The following MAML2 variants were observed in gnomAD, a reference collection of about 807,000 sequenced individuals.
MAML2 encodes the protein mastermind like transcriptional coactivator 2.
Under a neutral mutation model 96.1 loss-of-function variants are expected in MAML2, and 22 were observed. The observed-to-expected ratio is 0.23, with a 90% confidence interval of 0.16 to 0.33. The LOEUF (loss-of-function observed/expected upper bound fraction) is 0.33, where lower values mean the gene tolerates loss of function less well. Ranked by LOEUF, MAML2 falls within the 10% of genes least tolerant of loss-of-function variation. MAML2 has a pLI of 1.00. For missense variants in MAML2, 1,367 were observed against 1,392.4 expected (o/e 0.98, Z 0.29); for synonymous variants, 561 against 521.3 (o/e 1.08, Z -1.04).
At chr11:96,333,554 T>C (rs577351696) in intron 1 of MAML2, among the ~76,000 whole-genome samples, 1 of 152,344 alleles carries the variant, frequency 6.6e-6, no homozygotes, top group South Asian at 2.1e-4. Flanking sequence ...ATCTTCCTCA[T>C]GTTTTTTATG....
intron 1 of MAML2, among the ~76,000 whole-genome samples, chr11:96,124,561 A>G (rs1860406370): frequency 6.6e-6 from 1 of 152,202 alleles, no homozygotes; most frequent in African/African-American, 2.4e-5. Flanking sequence ...TTAAACATTT[A>G]TTGAGTTAAT....
intron 1 of MAML2, among the ~76,000 whole-genome samples, chr11:96,229,735 C>T (rs1422445346): frequency 6.6e-6 from 1 of 151,918 alleles, no homozygotes; most frequent in Non-Finnish European, 1.5e-5. Flanking sequence ...ACTGGCAATA[C>T]CATAAATTTG....
At chr11:96,217,882 T>C (rs1377658139) in intron 1 of MAML2, among the ~76,000 whole-genome samples, 1 of 152,228 alleles carries the variant, frequency 6.6e-6, no homozygotes, top group Non-Finnish European at 1.5e-5. Flanking sequence ...ATTACGACAA[T>C]TTTAGTGATT....
intron 1 of MAML2, among the ~76,000 whole-genome samples, chr11:96,339,815 C>T (rs1863968176): frequency 6.6e-6 from 1 of 152,182 alleles, no homozygotes; most frequent in African/African-American, 2.4e-5. Context: ...CTCCTTTACC[C>T]TAACATCTCT....
rs77374033 is a variant in MAML2, at chr11:95,982,680, C to T, written c.2456-2717G>A. Among the ~76,000 whole-genome samples, 18 of 152,210 alleles carry T rather than the reference C, an allele frequency of 1.2e-4. No individual in the cohort carries two copies. The East Asian group carries it at 2.7e-3, about 23-fold the overall frequency. ...GAATTGTGTATAGTATTCCAAAGGG[C>T]GCCCAGCTTTTTCAAAGCTCGCTCA... On this transcript the variant is annotated intron_variant, in intron 4 of 4. Coordinates refer to ENST00000524717, the MANE Select transcript of MAML2 (RefSeq NM_032427.4).
intron 2 of MAML2, among the ~76,000 whole-genome samples, chr11:95,999,465 T>C (rs1353693147): frequency 6.8e-6 from 1 of 147,872 alleles, no homozygotes; most frequent in Non-Finnish European, 1.5e-5. Context: ...ATAGTAAGAC[T>C]CGTTGGATTC....
intron 1 of MAML2, among the ~76,000 whole-genome samples, chr11:96,192,142 GC>G (rs1206990385): frequency 6.6e-6 from 1 of 152,232 alleles, no homozygotes; most frequent in Non-Finnish European, 1.5e-5. Flanking sequence ...GTGAGGGTGA[GC>G]TTTCTGCAAA....
chr11:96,210,508 G>T (rs188913690), intron 1 of MAML2, among the ~76,000 whole-genome samples: 3 of 152,134 alleles, frequency 2.0e-5, no homozygotes, highest in Non-Finnish European at 4.4e-5. Flanking sequence ...ATACCTAAAA[G>T]GTATTCATTC....
chr11:96,122,201 C>T (rs559047752), intron 1 of MAML2, among the ~76,000 whole-genome samples: 1 of 152,138 alleles, frequency 6.6e-6, no homozygotes, highest in East Asian at 1.9e-4. Context: ...TCACAATTCT[C>T]CAGCCATGTA....
intron 1 of MAML2, among the ~76,000 whole-genome samples, chr11:96,131,441 A>T (rs1362245806): frequency 6.6e-6 from 1 of 152,262 alleles, no homozygotes; most frequent in African/African-American, 2.4e-5. Flanking sequence ...TGACATATAT[A>T]GAACATATAC....
chr11:96,182,037 A>T (rs1422886416), intron 1 of MAML2, among the ~76,000 whole-genome samples: 1 of 152,204 alleles, frequency 6.6e-6, no homozygotes, highest in African/African-American at 2.4e-5. Context: ...ACTAATTTTC[A>T]AAAGACGTGG....
rs1861286504 is a variant in MAML2, at chr11:96,171,074, GT to G, written c.514-77558del. Among the ~76,000 whole-genome samples, 3 of 151,742 alleles carry G rather than the reference GT, an allele frequency of 2.0e-5. No homozygotes were observed. In the South Asian group the frequency reaches 6.2e-4, roughly 32 times the overall value. ...GAGGTGCAGACTAGTTGAGCCCTGGGTTCCCACTTGTCTTTCCTCTCTCTTA... is the reference window on the plus strand; with the variant it reads ...GAGGTGCAGACTAGTTGAGCCCTGGGTCCCACTTGTCTTTCCTCTCTCTTA... On this transcript the variant is annotated intron_variant, in intron 1 of 4. Transcript: ENST00000524717.
At chr11:96,024,664 A>T (rs1858487183) in intron 2 of MAML2, among the ~76,000 whole-genome samples, 1 of 152,148 alleles carries the variant, frequency 6.6e-6, no homozygotes, top group South Asian at 2.1e-4. Context: ...TATCTGTGGC[A>T]GTTATGTCTC....
At chr11:96,188,101 A>G (rs557648264) in intron 1 of MAML2, among the ~76,000 whole-genome samples, 1 of 152,362 alleles carries the variant, frequency 6.6e-6, no homozygotes, top group Non-Finnish European at 1.5e-5. Context: ...CTTTGCTGGA[A>G]AGTGATGAAA....
chr11:96,194,748 C>G (rs888072675), intron 1 of MAML2, among the ~76,000 whole-genome samples: 1 of 152,126 alleles, frequency 6.6e-6, no homozygotes, highest in Non-Finnish European at 1.5e-5. Context: ...CCACTGGCTC[C>G]TTTCCCTTTC....
At chr11:96,206,049 T>C (rs1024408175) in intron 1 of MAML2, among the ~76,000 whole-genome samples, 3 of 152,162 alleles carry the variant, frequency 2.0e-5, no homozygotes, top group African/African-American at 7.2e-5. Context: ...CTAAAAGCTT[T>C]CTTAATTTCA....
chr11:96,175,053 G>A (rs962029115), intron 1 of MAML2, among the ~76,000 whole-genome samples: 1 of 152,238 alleles, frequency 6.6e-6, no homozygotes, highest in Non-Finnish European at 1.5e-5. Context: ...AGCAAAGCAG[G>A]AAGGGGAAAA....
intron 1 of MAML2, among the ~76,000 whole-genome samples, chr11:96,105,368 A>G (rs1370930826): frequency 6.6e-6 from 1 of 152,214 alleles, no homozygotes; most frequent in Non-Finnish European, 1.5e-5. Context: ...GCACAAAAGC[A>G]TTCTGAAAGT....
At chr11:96,167,645 T>C (rs898250416) in intron 1 of MAML2, among the ~76,000 whole-genome samples, 22 of 152,224 alleles carry the variant, frequency 1.4e-4, no homozygotes, top group Admixed American at 1.4e-3. Flanking sequence ...CTCCAGGCTG[T>C]GTGCATGCTT....
Sources: gnomAD v4.1 joint callset for allele counts (sites outside exome capture counted in the v4.1 genomes callset) on GRCh38, gnomAD v4.1.1 for gene constraint, MANE v1.5 for transcripts, NCBI Gene and HGNC (gene_info 2026-07-23, HGNC 2026-07-21) for gene names.